Variants in GPC5 observed in about 807,000 individuals in gnomAD.
GPC5 encodes the protein glypican-5.
Under a neutral mutation model 53.9 loss-of-function variants are expected in GPC5, and 47 were observed. The ratio of observed to expected loss-of-function variants is 0.87; its 90% CI spans 0.69 to 1.11. GPC5 has a LOEUF of 1.11. Among genes scored for constraint, GPC5 ranks in the 50% most tolerant of loss-of-function variants. The probability of loss-of-function intolerance (pLI) is 0.00; values close to 1 mark genes in which losing one functional copy is unlikely to be tolerated. For missense variants in GPC5, 748 were observed against 713.1 expected, an observed-to-expected ratio of 1.05 and a Z score of -0.56; for synonymous variants, 286 against 263.3, an observed-to-expected ratio of 1.09 and a Z score of -0.84.
intron 7 of GPC5, among the ~76,000 whole-genome samples, chr13:92,385,507 C>A (rs1305878591): frequency 7.6e-6 from 1 of 131,374 alleles, no homozygotes; most frequent in Non-Finnish European, 1.6e-5. Flanking sequence ...CATACATATA[C>A]ATATATACAT....
At chr13:92,066,433 G>GAAA (rs773012733) in intron 6 of GPC5, among the ~76,000 whole-genome samples, 2 of 116,512 alleles carry the variant, frequency 1.7e-5, no homozygotes, top group Non-Finnish European at 3.7e-5. Context: ...GAACAAACCT[G>GAAA]AAAAAAAAAA....
intron 7 of GPC5, among the ~76,000 whole-genome samples, chr13:92,439,391 A>T (rs774098882): frequency 1.1e-4 from 16 of 152,228 alleles, no homozygotes; most frequent in Non-Finnish European, 2.4e-4. Context: ...TCAGTGGTCC[A>T]GTGTAAATGC....
At chr13:92,387,930 A>C (rs946986965) in intron 7 of GPC5, among the ~76,000 whole-genome samples, 1 of 152,124 alleles carries the variant, frequency 6.6e-6, no homozygotes, top group Admixed American at 6.6e-5. Flanking sequence ...CATTATTACT[A>C]TTTCACTGAT....
intron 2 of GPC5, among the ~76,000 whole-genome samples, chr13:91,585,583 C>CA (rs1292366516): frequency 2.0e-5 from 3 of 151,690 alleles, no homozygotes; most frequent in Admixed American, 1.3e-4. Context: ...CAAAAATATG[C>CA]AAAAAAAATC....
intron 7 of GPC5, among the ~76,000 whole-genome samples, chr13:92,727,607 T>G (rs1888681736): frequency 6.6e-6 from 1 of 151,384 alleles, no homozygotes; most frequent in Non-Finnish European, 1.5e-5. Flanking sequence ...TCCAAGAAAT[T>G]CATCTCTTCA....
At chr13:92,763,248 G>A (rs1875262659) in intron 7 of GPC5, among the ~76,000 whole-genome samples, 1 of 151,530 alleles carries the variant, frequency 6.6e-6, no homozygotes, top group Admixed American at 6.6e-5. Context: ...AAACTTTATA[G>A]AGTGTCCTTC....
At chr13:91,438,930 G>A (rs1880206116) in intron 1 of GPC5, among the ~76,000 whole-genome samples, 2 of 152,196 alleles carry the variant, frequency 1.3e-5, no homozygotes, top group African/African-American at 4.8e-5. Flanking sequence ...AACAATGAGT[G>A]AGGCTCCGTG....
At chr13:92,289,394 C>CA (rs1380586618) in intron 7 of GPC5, among the ~76,000 whole-genome samples, 1 of 151,436 alleles carries the variant, frequency 6.6e-6, no homozygotes, top group East Asian at 1.9e-4. Flanking sequence ...CACTGTATAT[C>CA]AAAGATTTAA....
intron 5 of GPC5, among the ~76,000 whole-genome samples, chr13:91,896,329 C>T (rs945453002): frequency 6.6e-6 from 1 of 152,002 alleles, no homozygotes; most frequent in Non-Finnish European, 1.5e-5. Context: ...CCGTGTTAGC[C>T]AGGATGGTCT....
intron 6 of GPC5, among the ~76,000 whole-genome samples, chr13:92,141,113 C>T (rs572804414): frequency 1.2e-4 from 19 of 152,264 alleles, no homozygotes; most frequent in African/African-American, 4.1e-4. Context: ...GAATAAAGAT[C>T]TTATTGTGAA....
At chr13:92,464,115 A>G (rs1878598244) in intron 7 of GPC5, among the ~76,000 whole-genome samples, 1 of 152,198 alleles carries the variant, frequency 6.6e-6, no homozygotes, top group Non-Finnish European at 1.5e-5. Context: ...AAGGTTAAAT[A>G]ACTCAATCAA....
intron 7 of GPC5, among the ~76,000 whole-genome samples, chr13:92,471,005 T>A (rs1470027586): frequency 6.6e-6 from 1 of 152,086 alleles, no homozygotes; most frequent in African/African-American, 2.4e-5. Context: ...TCAGAGGATG[T>A]AGGAGATGGA....
intron 6 of GPC5, among the ~76,000 whole-genome samples, chr13:92,019,947 G>A (rs545950026): frequency 1.3e-5 from 2 of 152,182 alleles, no homozygotes; most frequent in East Asian, 3.9e-4. Context: ...CTGGAGATTG[G>A]AAGTTTGATA....
chr13:92,055,528 T>A (rs926665350), intron 6 of GPC5, among the ~76,000 whole-genome samples: 15 of 152,252 alleles, frequency 9.9e-5, no homozygotes, highest in African/African-American at 3.4e-4. Flanking sequence ...GAGGATTTTC[T>A]ATAAAGCCAA....
chr13:91,515,556 T>A (rs1885453881), intron 2 of GPC5, among the ~76,000 whole-genome samples: 1 of 152,170 alleles, frequency 6.6e-6, no homozygotes, highest in African/African-American at 2.4e-5. Flanking sequence ...TGACCCCAAA[T>A]CCCTGTAGTT....
Position 91,528,317 on chromosome 13 carries a change from C to A in GPC5, c.325+79395C>A, listed in dbSNP as rs1292046187. Among the ~76,000 whole-genome samples, 6 of 152,288 alleles carry A rather than the reference C, an allele frequency of 3.9e-5. No homozygotes were observed. The East Asian group carries it at 1.2e-3, about 29-fold the overall frequency. On this transcript the variant is annotated intron_variant, in intron 2 of 7. Transcript: ENST00000377067. ...CTTAGAAATTTCTTCTGCCAGATAT[C>A]CTAAATTATCTTTCTCAAGTTCAAA...
chr13:92,381,493 A>C (rs2043738514), intron 7 of GPC5, among the ~76,000 whole-genome samples: 1 of 152,176 alleles, frequency 6.6e-6, no homozygotes, highest in South Asian at 2.1e-4. Flanking sequence ...CAAAAAATCA[A>C]AAAACAGTAG....
At chr13:92,400,850 G>T (rs1377049609) in intron 7 of GPC5, among the ~76,000 whole-genome samples, 2 of 151,956 alleles carry the variant, frequency 1.3e-5, no homozygotes, top group African/African-American at 2.4e-5. Flanking sequence ...CAAATGCTTG[G>T]CAAATAAAAT....
At chr13:91,413,541 A>G (rs1300228596) in intron 1 of GPC5, among the ~76,000 whole-genome samples, 1 of 152,374 alleles carries the variant, frequency 6.6e-6, no homozygotes, top group Middle Eastern at 3.4e-3. Flanking sequence ...TAAAAATTAA[A>G]TCAGATTTAA....
Sources: gnomAD v4.1 joint callset for allele counts (sites outside exome capture counted in the v4.1 genomes callset) on GRCh38, gnomAD v4.1.1 for gene constraint, MANE v1.5 for transcripts, NCBI Gene and HGNC (gene_info 2026-07-23, HGNC 2026-07-21) for gene names.